Variants in APBB2 observed in about 807,000 individuals in gnomAD.
APBB2 encodes the protein Fe65-like 1.
Under a neutral mutation model 82.5 loss-of-function variants are expected in APBB2, and 38 were observed. The observed-to-expected ratio is 0.46, with a 90% CI of 0.36 to 0.60. APBB2 has a LOEUF of 0.60. Among genes scored for constraint, APBB2 ranks in the 20% least tolerant of loss-of-function variants. APBB2 has a pLI of 0.00. For missense variants in APBB2, 772 were observed against 972.3 expected (o/e 0.79, Z 2.74); for synonymous variants, 341 against 368.2 (o/e 0.93, Z 0.85).
In APBB2 at chr4:40,886,578, TAAG is replaced by T. The variant is rs141533993; in HGVS notation, c.1529+3783_1529+3785del. On this transcript the variant is annotated intron_variant, in intron 12 of 17. Coordinates refer to ENST00000508593, the MANE Select transcript of APBB2 (RefSeq NM_004307.2). ...AGGTGCTCGCCAGGGTCTGAGTGAA[TAAG>T]AAGAACGCTGAGGCCGGAAGTTAGC... Among the ~76,000 whole-genome samples, 1,030 of 152,192 alleles carry T rather than the reference TAAG, an allele frequency of 6.8e-3. 15 individuals carry two copies. The highest frequency in any genetic ancestry group is 0.024 in the African/African-American group (983 of 41,530).
rs1553884405 is a variant in APBB2 at position 40,964,776 on chromosome 4, A to AC, written c.836-19704_836-19703insG. On this transcript the variant is annotated intron_variant, in intron 6 of 17. Transcript: ENST00000508593. ...TAAACACACACACACACACACACACAACAATGCACATTGCAAGTATAGTTT... is the reference window on the plus strand; with the variant it reads ...TAAACACACACACACACACACACACACACAATGCACATTGCAAGTATAGTTT... Among the ~76,000 whole-genome samples, 41 of 150,608 alleles carry AC rather than the reference A, an allele frequency of 2.7e-4. 1 individual carries two copies. The highest frequency in any genetic ancestry group is 8.1e-4 in the African/African-American group (33 of 40,914).
intron 1 of APBB2, among the ~76,000 whole-genome samples, chr4:41,190,099 TAGAA>T (rs906554411): frequency 6.6e-6 from 1 of 152,178 alleles, no homozygotes; most frequent in Non-Finnish European, 1.5e-5. Context: ...TTTTTTTCAT[TAGAA>T]AGTTGATAAT....
At chr4:41,030,959 T>C (rs1304104730) in intron 5 of APBB2, among the ~76,000 whole-genome samples, 1 of 152,116 alleles carries the variant, frequency 6.6e-6, no homozygotes, top group Non-Finnish European at 1.5e-5. Flanking sequence ...GCGTGGTGAC[T>C]CACACCTGTA....
chr4:41,144,875 T>C (rs376801724), intron 1 of APBB2, among the ~76,000 whole-genome samples: 1 of 152,218 alleles, frequency 6.6e-6, no homozygotes, highest in East Asian at 1.9e-4. Context: ...ATCCCAGCAA[T>C]TTGGGAGGCT....
intron 10 of APBB2, among the ~76,000 whole-genome samples, chr4:40,911,757 T>G (rs996308246): frequency 3.5e-5 from 5 of 144,854 alleles, no homozygotes; most frequent in African/African-American, 1.3e-4. Flanking sequence ...GGCCTCCAGC[T>G]GGTCCCAGAC....
intron 1 of APBB2, among the ~76,000 whole-genome samples, chr4:41,198,518 A>G: frequency 8.5e-5 from 13 of 152,106 alleles, no homozygotes; most frequent in Non-Finnish European, 1.8e-4. Flanking sequence ...TGTTCTTTTT[A>G]GTCCTATTTT....
At chr4:40,963,142 T>C (rs1226787101) in intron 6 of APBB2, among the ~76,000 whole-genome samples, 2 of 152,174 alleles carry the variant, frequency 1.3e-5, no homozygotes, top group Non-Finnish European at 2.9e-5. Context: ...GATCTACTGG[T>C]AGTTAGCGTC....
intron 10 of APBB2, among the ~76,000 whole-genome samples, chr4:40,895,869 T>G (rs28503809): frequency 6.6e-6 from 1 of 152,194 alleles, no homozygotes; most frequent in African/African-American, 2.4e-5. Context: ...ACTGTACCCA[T>G]GTTATACATG....
At chr4:41,034,724 A>G (rs1256564480) in intron 4 of APBB2, among the ~76,000 whole-genome samples, 2 of 152,216 alleles carry the variant, frequency 1.3e-5, no homozygotes, top group Non-Finnish European at 2.9e-5. Context: ...ACATATAAAT[A>G]CATGTGCACA....
At chr4:41,195,742 C>T in intron 1 of APBB2, among the ~76,000 whole-genome samples, 2 of 147,694 alleles carry the variant, frequency 1.4e-5, no homozygotes, top group Non-Finnish European at 1.5e-5. Context: ...TCCTCTGCTC[C>T]TCCTCCCCTC....
chr4:41,141,053 A>G (rs955513897), intron 2 of APBB2, among the ~76,000 whole-genome samples: 2 of 152,190 alleles, frequency 1.3e-5, no homozygotes, highest in Non-Finnish European at 2.9e-5. Context: ...CTGTTTGGAA[A>G]AACTGTCTTC....
rs368913201 is a variant in APBB2, at chr4:41,118,053, C to CAA, written c.-260-17305_-260-17304dup. 1.1e-3 allele frequency: 158 copies of CAA among 145,336 alleles called. 1 individual carries two copies. The highest frequency in any genetic ancestry group is 2.0e-3 in the Admixed American group (29 of 14,432). The allele number at this position is 145,336 out of a possible 1,614,324, so 9.0% of individuals were successfully genotyped here. The stretch of plus-strand genomic sequence containing the variant: ...GAGAAACTGTATCTACAAAACAAAA[C>CAA]AAAAAAAAAAATTAGCCAGGAGCAG... On this transcript the variant is annotated intron_variant, in intron 2 of 17. Transcript: ENST00000508593.
intron 2 of APBB2, among the ~76,000 whole-genome samples, chr4:41,139,498 T>G (rs974235977): frequency 1.3e-5 from 2 of 152,170 alleles, no homozygotes; most frequent in African/African-American, 2.4e-5. Flanking sequence ...TGTTCGTAAC[T>G]GCCAAAACTT....
chr4:41,181,648 C>T lies in APBB2; in HGVS notation c.-417+32757G>A, dbSNP rs367846511. Among the ~76,000 whole-genome samples, 35 of 152,160 alleles carry T rather than the reference C, an allele frequency of 2.3e-4. No individual in the cohort carries two copies. In the East Asian group the frequency reaches 4.4e-3, roughly 19 times the overall value. On this transcript the variant is annotated intron_variant, in intron 1 of 17. Coordinates refer to ENST00000508593, the MANE Select transcript of APBB2 (RefSeq NM_004307.2). Reference sequence around the variant, plus strand: ...AGGAAGAAAGGAGCTAGAACTTGCTCGAAAGGGACTAGCATGGCCGGGCAC... The same window carrying T: ...AGGAAGAAAGGAGCTAGAACTTGCTTGAAAGGGACTAGCATGGCCGGGCAC...
intron 1 of APBB2, among the ~76,000 whole-genome samples, chr4:41,165,663 C>T (rs1303380546): frequency 1.3e-5 from 2 of 152,104 alleles, no homozygotes; most frequent in African/African-American, 2.4e-5. Context: ...AGAGACAAGA[C>T]GTCAATTTAT....
intron 10 of APBB2, among the ~76,000 whole-genome samples, chr4:40,910,642 G>A (rs1407739673): frequency 6.6e-6 from 1 of 152,214 alleles, no homozygotes; most frequent in Non-Finnish European, 1.5e-5. Flanking sequence ...CCTGTTCTGT[G>A]GACCTCTGTA....
At chr4:41,185,131 G>T (rs903536215) in intron 1 of APBB2, among the ~76,000 whole-genome samples, 3 of 152,178 alleles carry the variant, frequency 2.0e-5, no homozygotes, top group Non-Finnish European at 4.4e-5. Context: ...GAAATATATG[G>T]ATGGATGAAG....
chr4:41,202,599 T>C (rs1776962135), intron 1 of APBB2, among the ~76,000 whole-genome samples: 1 of 152,232 alleles, frequency 6.6e-6, no homozygotes. Flanking sequence ...TTTGGCTTTA[T>C]GCAAACAAAT....
At chr4:41,196,581 G>A in intron 1 of APBB2, among the ~76,000 whole-genome samples, 15 of 142,802 alleles carry the variant, frequency 1.1e-4, no homozygotes, top group African/African-American at 3.7e-4. Context: ...TGTTCCTGTC[G>A]TTGAGAAAAG....
Sources: allele counts gnomAD v4.1 joint callset (sites outside exome capture counted in the v4.1 genomes callset), GRCh38; gene constraint gnomAD v4.1.1; transcripts MANE v1.5; gene names NCBI Gene and HGNC (gene_info 2026-07-23, HGNC 2026-07-21).